IRF7: variants seen among roughly 807,000 people sequenced by gnomAD.
IRF7 encodes interferon regulatory factor 7, also known as interferon regulatory factor-7H.
IRF7 carries 67 observed loss-of-function variants against 51.3 expected under a neutral mutation model. That is an observed-to-expected ratio of 1.31 (90% confidence interval 1.07 to 1.60). The LOEUF is 1.60. IRF7 is among the 40% of genes most tolerant of loss of function. The pLI, the probability that IRF7 is intolerant of heterozygous loss-of-function variation, is 0.00. For synonymous variants in IRF7, 427 were observed against 301.3 expected (o/e 1.42, Z -4.32); for missense variants, 873 against 701.5 (o/e 1.24, Z -2.76).
In IRF7 at chr11:615,489, A is replaced by G; in HGVS notation, c.-125T>C. ...GTGGCCAGGTGTCACAGGTGTCCACAGGTGTGGACTGAGGGCTTGTAGCCA... is the reference window on the plus strand; with the variant it reads ...GTGGCCAGGTGTCACAGGTGTCCACGGGTGTGGACTGAGGGCTTGTAGCCA... On this transcript the variant is annotated 5_prime_UTR_variant, in exon 2 of 11. Coordinates refer to ENST00000525445, the MANE Select transcript of IRF7 (RefSeq NM_001572.5). The G allele has an allele frequency of 8.8e-7, 1 of 1,138,130 alleles. No homozygotes were observed. Among genetic ancestry groups the G allele is most frequent in the Non-Finnish European group, 1.2e-6 (1 of 831,520 alleles). 70.5% of individuals were successfully genotyped at this position (1,138,130 alleles called of 1,614,324 possible).
chr11:613,802 G>A lies in IRF7; in HGVS notation c.830C>T (p.Ala277Val), dbSNP rs1364886914. Residue 277 changes from alanine (A) to valine (V), a missense_variant, in exon 8 of 11, where the codon GCC (alanine) becomes GTC (valine). Ala to Val is a moderately conservative substitution (Grantham distance 64). Transcript: ENST00000525445. ...AEPYLSPSPS[A>V]CTAVQEPSPG... The stretch of plus-strand genomic sequence containing the variant: ...GCACTCACCTTGCACCGCGGTGCAG[G>A]CGCTTGGGGAGGGTGACAGGTACGG... The A allele has an allele frequency of 1.1e-5, 17 of 1,571,294 alleles. No individual in the cohort carries two copies. Among genetic ancestry groups the A allele is most frequent in the African/African-American group, 1.4e-5 (1 of 72,698 alleles).
rs1405808971 is a variant in IRF7, at chr11:613,350, G to C, written c.1093C>G (p.Gln365Glu). ...PGLHLELRGP[Q>E]LWARRMGKCK... ...TTGCCCATGCGCCGGGCCCACAGCT[G>C]TGGCCCCCGAAGCTCCAGGTGCAAC... The change falls in exon 9 of 11, where the codon CAG (glutamine) becomes GAG (glutamate). Residue 365 changes from glutamine (Q) to glutamate (E), a missense_variant. By Grantham distance (29) the Gln-to-Glu change is conservative. Transcript: ENST00000525445. 4 of 1,611,300 alleles carry C rather than the reference G, an allele frequency of 2.5e-6. No homozygotes were observed. In the African/African-American group the frequency reaches 5.3e-5, roughly 22 times the overall value.
rs1856725335 is a variant in IRF7, at chr11:614,807, C to T, written c.384G>A (p.Leu128=). ...PHKVYALSRE[L]CWREGPGTDQ... ...GCCGGCGTCGCTCACCTCGCCAGCA[C>T]AGCTCCCGGCTGAGCGCGTACACCT... is the stretch of plus-strand genomic sequence containing the variant. The change falls in exon 4 of 11, where the codon CTG becomes CTA. Residue 128 remains leucine, a synonymous_variant. Transcript: ENST00000525445. 4 of 1,547,242 alleles carry T rather than the reference C, an allele frequency of 2.6e-6. No individual in the cohort carries two copies. Among genetic ancestry groups the T allele is most frequent in the South Asian group, 2.4e-5 (2 of 83,942 alleles).
chr11:615,708 A>C, intron 1 of IRF7, 61 bp from the exon 2 acceptor site: 4 of 350,176 alleles, frequency 1.1e-5, no homozygotes, highest in Non-Finnish European at 2.1e-5. Flanking sequence ...GCGAAACCTA[A>C]ACAGTGGCGC....
At chr11:612,849 C>T (rs1856513330) in intron 10 of IRF7, 49 bp from the exon 11 acceptor site, 2 of 1,592,948 alleles carry the variant, frequency 1.3e-6, no homozygotes, top group Admixed American at 1.7e-5. Context: ...TGTGTCCTCC[C>T]CTCCCCCTCC....
At position 614,363 on chromosome 11, in the gene IRF7, C is replaced by CA. The variant is rs1273694717; in HGVS notation, c.489dup (p.Ala164CysfsTer15). ...AGGGGGCCTGGGGCTTGGAGTCCAGCATGTGTGTGTGCCAGGAATGGCCCT... is the reference window on the plus strand; with the variant it reads ...AGGGGGCCTGGGGCTTGGAGTCCAGCAATGTGTGTGTGCCAGGAATGGCCCT... On this transcript the variant is annotated frameshift_variant, in exon 6 of 11. Coordinates refer to ENST00000525445, the MANE Select transcript of IRF7 (RefSeq NM_001572.5). LOFTEE classifies it high-confidence loss of function. 1.2e-6 allele frequency: 2 copies of CA among 1,609,316 alleles called. No homozygotes were observed. The highest frequency in any genetic ancestry group is 8.5e-7 in the Non-Finnish European group (1 of 1,178,804).
Position 614,541 on chromosome 11 carries a change from G to A in IRF7, c.395-7C>T. The A allele has an allele frequency of 6.4e-7, 1 of 1,552,248 alleles. No individual in the cohort carries two copies. The highest frequency in any genetic ancestry group is 8.7e-7 in the Non-Finnish European group (1 of 1,147,532). Reference sequence around the variant, plus strand: ...TGGTCCGTGCCTGGGCCTTCTGAGAGAGAATGGGGCAGGCGTTAGGCCCCG... The same window carrying A: ...TGGTCCGTGCCTGGGCCTTCTGAGAAAGAATGGGGCAGGCGTTAGGCCCCG... On this transcript the variant is annotated splice_polypyrimidine_tract_variant and splice_region_variant and intron_variant, in intron 4 of 10. Transcript: ENST00000525445.
In IRF7 at chr11:614,897, TGCGCAG is replaced by T. The variant is rs1856735411; in HGVS notation, c.288_293del (p.Cys97_Ala98del). Reference sequence around the variant, plus strand: ...TCACGAAGCGACGCGTGCTGCGCAGTGCGCAGCGGAAGTTGGTTTTCCAGCCGGCGC... The same window carrying T: ...TCACGAAGCGACGCGTGCTGCGCAGTCGGAAGTTGGTTTTCCAGCCGGCGC... On this transcript the variant is annotated inframe_deletion, in exon 4 of 11. Transcript: ENST00000525445. The T allele has an allele frequency of 6.3e-7, 1 of 1,587,202 alleles. No individual in the cohort carries two copies. The highest frequency in any genetic ancestry group is 1.3e-5 in the African/African-American group (1 of 74,198).
chr11:615,890 C>T (rs994443856), intron 1 of IRF7, 23 bp downstream of exon 1: 4 of 154,248 alleles, frequency 2.6e-5, no homozygotes, highest in African/African-American at 9.6e-5. Flanking sequence ...GCCTGCACCG[C>T]GTGGGTCTGG....
rs2133155323 is a variant in IRF7, at chr11:615,660, G to T, written c.-283-13C>A. The T allele has an allele frequency of 7.5e-6, 3 of 399,842 alleles. No individual in the cohort carries two copies. Among genetic ancestry groups the T allele is most frequent in the Non-Finnish European group, 8.8e-6 (2 of 225,996 alleles). 24.8% of individuals were successfully genotyped at this position (399,842 alleles called of 1,614,324 possible). On this transcript the variant is annotated splice_polypyrimidine_tract_variant and intron_variant, in intron 1 of 10. Transcript: ENST00000525445. ...CGCAGGCCGGACCCTGCGGAGACGG[G>T]AAAGGCGACGTCAGGGGCGGGTCAG... is the stretch of plus-strand genomic sequence containing the variant.
chr11:615,456 C>G lies in IRF7; in HGVS notation c.-92G>C. On this transcript the variant is annotated 5_prime_UTR_variant, in exon 2 of 11. Coordinates refer to ENST00000525445, the MANE Select transcript of IRF7 (RefSeq NM_001572.5). ...CGCAGCAGACGCCAGGCCGCGGCCA[C>G]AGGTCGTGTGGCCAGGTGTCACAGG... 7.1e-7 allele frequency: 1 copy of G among 1,399,956 alleles called. No individual in the cohort carries two copies. The highest frequency in any genetic ancestry group is 9.4e-7 in the Non-Finnish European group (1 of 1,065,264). 86.7% of individuals were successfully genotyped at this position (1,399,956 alleles called of 1,614,324 possible).
chr11:614,501 G>T lies in IRF7; in HGVS notation c.428C>A (p.Ala143Asp), dbSNP rs764032119. ...GPGTDQTEAE[A>D]PAAVPPPQGG... ...CTGTGGTGGTGGGACAGCTGCGGGG[G>T]CCTCTGCCTCAGTCTGGTCCGTGCC... Residue 143 changes from alanine (A) to aspartate (D), a missense_variant, in exon 5 of 11, where the codon GCC (alanine) becomes GAC (aspartate). Transcript: ENST00000525445. 1 of 1,560,278 alleles carries T rather than the reference G, an allele frequency of 6.4e-7. No homozygotes were observed. Among genetic ancestry groups the T allele is most frequent in the Non-Finnish European group, 8.7e-7 (1 of 1,151,886 alleles).
rs183847191 is a variant in IRF7 at position 613,726 on chromosome 11, C to T, written c.847+59G>A. On this transcript the variant is annotated intron_variant, in intron 8 of 10. Coordinates refer to ENST00000525445, the MANE Select transcript of IRF7 (RefSeq NM_001572.5). ...GATGTGAGTGATGGGTGGGCGGGGACAAGCCGTGAGTGACGGGGGTGGGCG... is the reference window on the plus strand; with the variant it reads ...GATGTGAGTGATGGGTGGGCGGGGATAAGCCGTGAGTGACGGGGGTGGGCG... The T allele has an allele frequency of 2.1e-3, 1,886 of 898,778 alleles. 56 individuals are homozygous for T. In the African/African-American group the frequency reaches 0.041, roughly 19 times the overall value. 55.7% of individuals were successfully genotyped at this position (898,778 alleles called of 1,614,324 possible). A position where few individuals can be genotyped will look rare whatever the true frequency, so the allele number is the denominator to read the frequency against.
At chr11:614,623 TG>T (rs1856710563) in intron 4 of IRF7, 89 bp from the exon 5 acceptor site, 2 of 1,488,818 alleles carry the variant, frequency 1.3e-6, no homozygotes, top group African/African-American at 2.8e-5. Flanking sequence ...GCTTCCTGGC[TG>T]TGAACCCTTA....
Position 613,057 on chromosome 11 carries a change from C to T in IRF7, c.1298G>A (p.Gly433Asp), listed in dbSNP as rs755203402. The T allele has an allele frequency of 2.5e-6, 4 of 1,613,022 alleles. No individual in the cohort carries two copies. The highest frequency in any genetic ancestry group is 1.1e-5 in the South Asian group (1 of 91,094). The change falls in exon 10 of 11, where the codon GGC becomes GAC. Residue 433 changes from glycine to aspartate, a missense_variant. Physicochemically the swap from Gly to Asp is moderately conservative, Grantham distance 94. Coordinates refer to ENST00000525445, the MANE Select transcript of IRF7 (RefSeq NM_001572.5). The part of the protein sequence containing the change: ...RGSPRYTIYL[G>D]FGQDLSAGRP... ...CCCAGCTGACAGGTCCTGCCCGAAG[C>T]CCAGGTAGATGGTATAGCGTGGGGA...
In IRF7 at chr11:615,514, A is replaced by C; in HGVS notation, c.-150T>G. ...AGGTGTGGACTGAGGGCTTGTAGCCACCGACGCTGCCTCGGTATGGATCTC... is the reference window on the plus strand; with the variant it reads ...AGGTGTGGACTGAGGGCTTGTAGCCCCCGACGCTGCCTCGGTATGGATCTC... On this transcript the variant is annotated 5_prime_UTR_variant, in exon 2 of 11. Transcript: ENST00000525445. 3 of 848,374 alleles carry C rather than the reference A, an allele frequency of 3.5e-6. No individual in the cohort carries two copies. The highest frequency in any genetic ancestry group is 2.0e-5 in the South Asian group (1 of 50,322). 52.6% of individuals were successfully genotyped at this position (848,374 alleles called of 1,614,324 possible). A position where few individuals can be genotyped will look rare whatever the true frequency, so the allele number is the denominator to read the frequency against.
Position 614,836 on chromosome 11 carries a change from G to A in IRF7, c.355C>T (p.His119Tyr). 1 of 1,558,320 alleles carries A rather than the reference G, an allele frequency of 6.4e-7. No individual in the cohort carries two copies. The change falls in exon 4 of 11, where the codon CAC (histidine) becomes TAC (tyrosine). Residue 119 changes from histidine to tyrosine, a missense_variant. Physicochemically the swap from His to Tyr is moderately conservative, Grantham distance 83. Coordinates refer to ENST00000525445, the MANE Select transcript of IRF7 (RefSeq NM_001572.5). ...TCCCGGCTGAGCGCGTACACCTTGT[G>A]CGGGTCGGCCGGGTCCCCCGAGTTA... ...RDNSGDPADP[H>Y]KVYALSRELC...
chr11:613,407 T>G lies in IRF7; in HGVS notation c.1036A>C (p.Thr346Pro). 6.3e-7 allele frequency: 1 copy of G among 1,581,772 alleles called. No homozygotes were observed. The highest frequency in any genetic ancestry group is 1.1e-5 in the South Asian group (1 of 87,336). The change falls in exon 9 of 11, where the codon ACG becomes CCG. Residue 346 changes from threonine to proline, a missense_variant. Coordinates refer to ENST00000525445, the MANE Select transcript of IRF7 (RefSeq NM_001572.5). ...ELPDQKQLRYTEELLRHVAPG... is the reference protein window; with the variant it reads ...ELPDQKQLRYPEELLRHVAPG... Reference sequence around the variant, plus strand: ...GCCACGTGCCGCAGCAGTTCCTCCGTGTAGCGCAGCTGCTTCTGGTCCGGG... The same window carrying G: ...GCCACGTGCCGCAGCAGTTCCTCCGGGTAGCGCAGCTGCTTCTGGTCCGGG...
At chr11:615,028 C>G in intron 3 of IRF7, 21 bp from the exon 4 acceptor site, 1 of 1,545,858 alleles carries the variant, frequency 6.5e-7, no homozygotes, top group Non-Finnish European at 8.7e-7. Context: ...GGACAGAACA[C>G]GTGTGCCGGG....
Sources: gnomAD v4.1 joint callset for allele counts on GRCh38, gnomAD v4.1.1 for gene constraint, MANE v1.5 for transcripts, NCBI Gene and HGNC (gene_info 2026-07-23, HGNC 2026-07-21) for gene names.